The following PCDH7 variants were observed in gnomAD, a reference collection of about 807,000 sequenced individuals.
PCDH7 encodes protocadherin 7.
PCDH7 carries 17 observed loss-of-function variants against 58.9 expected under a neutral mutation model. The observed-to-expected ratio is 0.29, with a 90% CI of 0.20 to 0.43. The LOEUF (loss-of-function observed/expected upper bound fraction) is 0.43, where lower values mean the gene tolerates loss of function less well. PCDH7 is among the 20% of genes least tolerant of loss of function. The pLI is 1.00. For synonymous variants in PCDH7, 664 were observed against 616.4 expected, an observed-to-expected ratio of 1.08 and a Z score of -1.14; for missense variants, 1,274 against 1,441.0, an observed-to-expected ratio of 0.88 and a Z score of 1.88.
chr4:30,940,697 G>A (rs1156998137), intron 2 of PCDH7, among the ~76,000 whole-genome samples: 1 of 151,980 alleles, frequency 6.6e-6, no homozygotes, highest in Non-Finnish European at 1.5e-5. Context: ...GATGGTAGGG[G>A]AGAGAAGGAA....
At chr4:30,787,560 G>C (rs1723574508) in intron 1 of PCDH7, among the ~76,000 whole-genome samples, 1 of 152,066 alleles carries the variant, frequency 6.6e-6, no homozygotes, top group African/African-American at 2.4e-5. Flanking sequence ...AACTATGTAA[G>C]TGTTCTAGGA....
chr4:31,124,404 T>C (rs2109327935), intron 3 of PCDH7, among the ~76,000 whole-genome samples: 1 of 152,328 alleles, frequency 6.6e-6, no homozygotes, highest in East Asian at 1.9e-4. Flanking sequence ...ACTTCCTTTG[T>C]TCAGATACCT....
At chr4:30,805,137 A>C (rs1726018777) in intron 1 of PCDH7, among the ~76,000 whole-genome samples, 1 of 152,182 alleles carries the variant, frequency 6.6e-6, no homozygotes, top group Admixed American at 6.5e-5. Context: ...ACATCTTGTC[A>C]GTCTGCTACT....
At chr4:31,116,311 G>A (rs532065510) in intron 3 of PCDH7, among the ~76,000 whole-genome samples, 5 of 152,278 alleles carry the variant, frequency 3.3e-5, no homozygotes, top group African/African-American at 1.2e-4. Flanking sequence ...TATAAAAAGG[G>A]TCCATAAATG....
chr4:31,079,972 ACACT>A (rs1223494565), intron 3 of PCDH7, among the ~76,000 whole-genome samples: 7 of 152,214 alleles, frequency 4.6e-5, no homozygotes, highest in African/African-American at 1.4e-4. Context: ...ATAAGAGTAA[ACACT>A]CAGTAAGAAG....
intron 1 of PCDH7, among the ~76,000 whole-genome samples, chr4:30,824,792 G>T (rs1283823271): frequency 1.3e-5 from 2 of 152,136 alleles, no homozygotes; most frequent in African/African-American, 4.8e-5. Flanking sequence ...GTAGAAACGT[G>T]CTTCGACTTT....
Position 30,722,125 on chromosome 4 carries a change from A to G in PCDH7, c.703A>G (p.Thr235Ala), listed in dbSNP as rs1203867402. The change falls in exon 1 of 2, where the codon ACC (threonine) becomes GCC (alanine). Residue 235 changes from threonine (T) to alanine (A), a missense_variant. Physicochemically the swap from Thr to Ala is moderately conservative, Grantham distance 58. Around this residue, in one of 3 missense-constraint regions of PCDH7, gnomAD observed 331 missense variants for 303.2 expected, o/e 1.09. Coordinates refer to ENST00000361762, the Ensembl canonical transcript of PCDH7. This position sits in a 1 kb window ranked among gnomAD's most constrained non-coding sequence, Gnocchi z 7.6. ...GGACGCATCAGAGGGCGGCGGCGGC[A>G]CCAACCCCGGCGGCCGCAGCAGCGT... 7.0e-7 allele frequency: 1 copy of G among 1,437,370 alleles called. No individual in the cohort carries two copies. Among genetic ancestry groups the G allele is most frequent in the Non-Finnish European group, 9.1e-7 (1 of 1,100,902 alleles). 89.0% of individuals were successfully genotyped at this position (1,437,370 alleles called of 1,614,324 possible).
chr4:30,810,121 G>T (rs1340373968), intron 1 of PCDH7, among the ~76,000 whole-genome samples: 2 of 152,044 alleles, frequency 1.3e-5, no homozygotes, highest in South Asian at 4.2e-4. Flanking sequence ...TACCTAATTT[G>T]AAACCTGAAT....
intron 2 of PCDH7, 59 bp downstream of exon 2, chr4:30,920,428 C>G (rs776322841): frequency 8.1e-7 from 1 of 1,239,368 alleles, no homozygotes; most frequent in Non-Finnish European, 1.1e-6. Flanking sequence ...AATAAGTAGA[C>G]TCGCGAAGGT....
intron 1 of PCDH7, among the ~76,000 whole-genome samples, chr4:30,844,669 A>G (rs1731675620): frequency 1.3e-5 from 2 of 152,210 alleles, no homozygotes; most frequent in Admixed American, 6.5e-5. Flanking sequence ...AAACATGTAT[A>G]TGTTTTGCTG....
At chr4:31,079,114 T>C (rs1759254762) in intron 3 of PCDH7, among the ~76,000 whole-genome samples, 1 of 151,516 alleles carries the variant, frequency 6.6e-6, no homozygotes, top group Admixed American at 6.6e-5. Flanking sequence ...GAAGATCACA[T>C]AGGAAAACAG....
At chr4:31,041,621 T>C (rs143721448) in intron 3 of PCDH7, among the ~76,000 whole-genome samples, 192 of 152,124 alleles carry the variant, frequency 1.3e-3, no homozygotes, top group African/African-American at 4.5e-3. Context: ...AAAAGAATTG[T>C]CCCCAACTAG....
intron 3 of PCDH7, among the ~76,000 whole-genome samples, chr4:31,019,250 T>G (rs1456795727): frequency 6.6e-6 from 1 of 152,162 alleles, no homozygotes; most frequent in Non-Finnish European, 1.5e-5. Context: ...AAATATATAG[T>G]CTTAAAATGA....
chr4:30,918,940 A>G (rs73214944), intron 1 of PCDH7, among the ~76,000 whole-genome samples: 12,709 of 152,202 alleles, frequency 0.084, 714 homozygotes, highest in Non-Finnish European at 0.12. Flanking sequence ...ATAACCTACC[A>G]TGTGCATATA....
chr4:30,890,572 C>T (rs1446076354), intron 1 of PCDH7, among the ~76,000 whole-genome samples: 2 of 151,384 alleles, frequency 1.3e-5, no homozygotes, highest in African/African-American at 4.9e-5. Context: ...TGTTTATGTT[C>T]ATATTTAAGA....
chr4:30,843,041 G>A (rs1448658345), intron 1 of PCDH7, among the ~76,000 whole-genome samples: 1 of 148,060 alleles, frequency 6.8e-6, no homozygotes. Flanking sequence ...GGGCCTCAAT[G>A]TTATTGAATA....
At position 30,722,558 on chromosome 4, in the gene PCDH7, A is replaced by C; in HGVS notation, c.1136A>C (p.Asn379Thr). The C allele has an allele frequency of 6.2e-7, 1 of 1,612,684 alleles. No homozygotes were observed. The highest frequency in any genetic ancestry group is 8.5e-7 in the Non-Finnish European group (1 of 1,179,980). Residue 379 changes from asparagine to threonine, a missense_variant, in exon 1 of 2, where the codon AAC (asparagine) becomes ACC (threonine). This residue lies in a region of PCDH7 where 331 missense variants were observed against 303.2 expected (regional missense o/e 1.09). Coordinates refer to ENST00000361762, the Ensembl canonical transcript of PCDH7. The surrounding 1 kb of genome is among the most constrained non-coding windows in gnomAD (Gnocchi z 7.6). ...CACCGGATCGACCGCGAGGAGGTGA[A>C]CCAGCTGCGCTTCACGGTCATGGCC... is the stretch of plus-strand genomic sequence containing the variant.
chr4:30,756,211 G>A (rs1470706752), intron 1 of PCDH7, among the ~76,000 whole-genome samples: 1 of 152,056 alleles, frequency 6.6e-6, no homozygotes, highest in East Asian at 1.9e-4. Context: ...CATTCCCTTG[G>A]GAACCAGTCT....
intron 1 of PCDH7, among the ~76,000 whole-genome samples, chr4:30,727,195 A>T (rs1714730844): frequency 6.6e-6 from 1 of 151,892 alleles, no homozygotes; most frequent in Non-Finnish European, 1.5e-5. Flanking sequence ...AGTTTTCCTG[A>T]ATTGCCTTAT....
Sources: allele counts gnomAD v4.1 joint callset (sites outside exome capture counted in the v4.1 genomes callset), GRCh38; gene constraint gnomAD v4.1.1; regional missense constraint gnomAD v4.1.1; non-coding constraint Gnocchi (gnomAD v3.1); transcripts MANE v1.5; gene names NCBI Gene and HGNC (gene_info 2026-07-23, HGNC 2026-07-21).